Variants in AFAP1 observed in about 807,000 individuals in gnomAD.
The protein encoded by AFAP1 is actin filament-associated protein 1.
In AFAP1, 75 loss-of-function variants were observed where a neutral mutation model predicts 93.9. The ratio of observed to expected loss-of-function variants is 0.80; its 90% CI spans 0.66 to 0.97. AFAP1 has a LOEUF of 0.97. Ranked by LOEUF, AFAP1 falls within the 50% of genes least tolerant of loss-of-function variation. The probability of loss-of-function intolerance (pLI) is 0.00; values close to 1 mark genes in which losing one functional copy is unlikely to be tolerated. For synonymous variants in AFAP1, 517 were observed against 430.7 expected (o/e 1.20, Z -2.48); for missense variants, 1,201 against 1,050.8 (o/e 1.14, Z -1.98).
At chr4:7,846,623 C>T (rs1713730855) in intron 4 of AFAP1, among the ~76,000 whole-genome samples, 1 of 152,206 alleles carries the variant, frequency 6.6e-6, no homozygotes, top group African/African-American at 2.4e-5. Flanking sequence ...GGGAAAACTA[C>T]CTTTAATTTC....
chr4:7,796,920 G>A (rs1718482276), intron 10 of AFAP1, among the ~76,000 whole-genome samples: 1 of 151,644 alleles, frequency 6.6e-6, no homozygotes, highest in Non-Finnish European at 1.5e-5. Flanking sequence ...AAATTAGCCA[G>A]GTGTGGTGGC....
intron 1 of AFAP1, among the ~76,000 whole-genome samples, chr4:7,880,579 A>G (rs1717781678): frequency 6.6e-6 from 1 of 152,214 alleles, no homozygotes; most frequent in African/African-American, 2.4e-5. Flanking sequence ...CACCCGGCCC[A>G]AATGCCTTTA....
intron 14 of AFAP1, chr4:7,777,389 T>C (rs1204007787): frequency 6.6e-6 from 1 of 152,204 alleles, no homozygotes. Context: ...CAGGGATGTA[T>C]ACGCTTCCTT....
At chr4:7,792,113 G>A (rs945215333) in intron 11 of AFAP1, among the ~76,000 whole-genome samples, 13 of 152,124 alleles carry the variant, frequency 8.5e-5, no homozygotes, top group South Asian at 2.1e-4. Flanking sequence ...CATGTAAGCC[G>A]GACAAGTGGG....
At chr4:7,769,064 T>C in intron 16 of AFAP1, 56 bp from the exon 17 acceptor site, 12 of 1,500,784 alleles carry the variant, frequency 8.0e-6, no homozygotes, top group Non-Finnish European at 1.1e-5. Context: ...ACTGGTATTC[T>C]CCAGCAGGAA....
At chr4:7,766,641 C>A (rs1714626517) in intron 17 of AFAP1, among the ~76,000 whole-genome samples, 1 of 146,718 alleles carries the variant, frequency 6.8e-6, no homozygotes, top group South Asian at 2.1e-4. Context: ...GAGAGGGTAA[C>A]AGAATCTCCA....
intron 12 of AFAP1, among the ~76,000 whole-genome samples, chr4:7,783,966 T>C (rs543671379): frequency 9.3e-4 from 142 of 152,242 alleles, no homozygotes; most frequent in African/African-American, 3.2e-3. Flanking sequence ...GGTAAGACTG[T>C]GCTGTCAAGA....
At chr4:7,809,489 TC>T (rs1719821716) in intron 9 of AFAP1, 124 bp downstream of exon 9, 3 of 1,165,694 alleles carry the variant, frequency 2.6e-6, no homozygotes, top group East Asian at 4.9e-5. Context: ...TCTGAATGAT[TC>T]CAAGTCCAAT....
chr4:7,837,031 A>G (rs1486496659), intron 6 of AFAP1, among the ~76,000 whole-genome samples: 1 of 152,238 alleles, frequency 6.6e-6, no homozygotes, highest in East Asian at 1.9e-4. Context: ...AACCAGGTTC[A>G]AACTCCACCA....
At chr4:7,903,188 T>C (rs2149218752) in intron 1 of AFAP1, among the ~76,000 whole-genome samples, 1 of 152,340 alleles carries the variant, frequency 6.6e-6, no homozygotes, top group East Asian at 1.9e-4. Context: ...GATTCATTCA[T>C]TCATTCAACA....
chr4:7,878,625 A>G (rs1717663390), intron 1 of AFAP1, among the ~76,000 whole-genome samples: 1 of 152,210 alleles, frequency 6.6e-6, no homozygotes, highest in Non-Finnish European at 1.5e-5. Flanking sequence ...ACCGATGTTT[A>G]ATAGAAATCT....
chr4:7,840,506 G>T (rs1461638385), intron 5 of AFAP1, among the ~76,000 whole-genome samples: 3 of 152,046 alleles, frequency 2.0e-5, no homozygotes, highest in Non-Finnish European at 4.4e-5. Context: ...TAGAGACAGG[G>T]TTTCACCAGA....
At chr4:7,908,054 A>G (rs752475819) in intron 1 of AFAP1, among the ~76,000 whole-genome samples, 4 of 152,132 alleles carry the variant, frequency 2.6e-5, no homozygotes, top group Non-Finnish European at 4.4e-5. Flanking sequence ...TTTACTAAAA[A>G]TGCAAAAATT....
chr4:7,794,341 A>T (rs1433124011), intron 10 of AFAP1, among the ~76,000 whole-genome samples: 1 of 152,240 alleles, frequency 6.6e-6, no homozygotes, highest in Non-Finnish European at 1.5e-5. Flanking sequence ...GATATAAAAA[A>T]GTAATTTCCT....
chr4:7,928,043 GT>G (rs1720866311), intron 1 of AFAP1, among the ~76,000 whole-genome samples: 1 of 152,140 alleles, frequency 6.6e-6, no homozygotes, highest in Non-Finnish European at 1.5e-5. Context: ...AGAATTTTCA[GT>G]CCCTTTACAA....
chr4:7,831,276 G>A (rs868182187), intron 6 of AFAP1, among the ~76,000 whole-genome samples: 3 of 151,468 alleles, frequency 2.0e-5, no homozygotes, highest in Non-Finnish European at 2.9e-5. Context: ...ACCATTATAT[G>A]TACTGGAAGT....
intron 1 of AFAP1, among the ~76,000 whole-genome samples, chr4:7,921,118 A>G (rs1157639205): frequency 6.6e-6 from 1 of 151,460 alleles, no homozygotes; most frequent in Non-Finnish European, 1.5e-5. Flanking sequence ...CTATGAGACC[A>G]GGTAGATGAC....
intron 17 of AFAP1, among the ~76,000 whole-genome samples, chr4:7,767,677 A>T (rs1714799276): frequency 6.6e-6 from 1 of 152,120 alleles, no homozygotes; most frequent in African/African-American, 2.4e-5. Flanking sequence ...CATGTTTCTC[A>T]GGGGCCCTCC....
chr4:7,813,927 G>A lies in AFAP1; in HGVS notation c.904+2091C>T, dbSNP rs111439542. Among the ~76,000 whole-genome samples the A allele has an allele frequency of 2.0e-4, 30 of 152,206 alleles. 1 individual carries two copies. Among genetic ancestry groups the A allele is most frequent in the African/African-American group, 7.2e-4 (30 of 41,530 alleles). On this transcript the variant is annotated intron_variant, in intron 8 of 17. Transcript: ENST00000420658. ...AACACTTGGCTCCCTCCAGGAGTGGGCAGGTGGATTTGGGTGGTTGGATTA... is the reference window on the plus strand; with the variant it reads ...AACACTTGGCTCCCTCCAGGAGTGGACAGGTGGATTTGGGTGGTTGGATTA...
Sources: gnomAD v4.1 joint callset for allele counts (sites outside exome capture counted in the v4.1 genomes callset) on GRCh38, gnomAD v4.1.1 for gene constraint, MANE v1.5 for transcripts, NCBI Gene and HGNC (gene_info 2026-07-23, HGNC 2026-07-21) for gene names.